MAP3K2: variants seen among roughly 807,000 people sequenced by gnomAD.
MAP3K2 encodes the protein MAP/ERK kinase kinase 2.
In MAP3K2, 24 loss-of-function variants were observed where a neutral mutation model predicts 80.3. The ratio of observed to expected loss-of-function variants is 0.30; its 90% CI spans 0.22 to 0.42. The LOEUF (loss-of-function observed/expected upper bound fraction) is 0.42, where lower values mean the gene tolerates loss of function less well. MAP3K2 is among the 10% of genes least tolerant of loss of function. The pLI is 1.00. For missense variants in MAP3K2, 608 were observed against 750.1 expected, an observed-to-expected ratio of 0.81 and a Z score of 2.21; for synonymous variants, 244 against 253.7, an observed-to-expected ratio of 0.96 and a Z score of 0.36.
chr2:127,371,773 T>C (rs1208413279), intron 1 of MAP3K2, among the ~76,000 whole-genome samples: 1 of 152,170 alleles, frequency 6.6e-6, no homozygotes, highest in African/African-American at 2.4e-5. Flanking sequence ...AATGTCCCAA[T>C]AATAGAGACC....
intron 1 of MAP3K2, among the ~76,000 whole-genome samples, chr2:127,368,764 T>C (rs1687014435): frequency 6.6e-6 from 1 of 152,186 alleles, no homozygotes; most frequent in Non-Finnish European, 1.5e-5. Context: ...TTATAAGTTA[T>C]TTTTTAAATT....
intron 1 of MAP3K2, among the ~76,000 whole-genome samples, chr2:127,370,303 A>C (rs947480233): frequency 1.3e-5 from 2 of 152,002 alleles, no homozygotes; most frequent in African/African-American, 4.8e-5. Context: ...CCACTCTTTC[A>C]CTGGCTTCCT....
rs1376804760 is a variant in MAP3K2, at chr2:127,302,833, G to C, written c.*4746C>G. The C allele has an allele frequency of 6.6e-6, 1 of 152,052 alleles. No individual in the cohort carries two copies. Among genetic ancestry groups the C allele is most frequent in the East Asian group, 1.9e-4 (1 of 5,184 alleles). 9.4% of individuals were successfully genotyped at this position (152,052 alleles called of 1,614,324 possible). A position where few individuals can be genotyped will look rare whatever the true frequency, so the allele number is the denominator to read the frequency against. Reference sequence around the variant, plus strand: ...GAATTCATGTCTAGTGGAAGCTGCAGCATGTCTATCACAGACAAATCCTAA... The same window carrying C: ...GAATTCATGTCTAGTGGAAGCTGCACCATGTCTATCACAGACAAATCCTAA... On this transcript the variant is annotated 3_prime_UTR_variant, in exon 17 of 17. Transcript: ENST00000682094.
intron 1 of MAP3K2, among the ~76,000 whole-genome samples, chr2:127,346,772 G>C (rs139062326): frequency 0.011 from 1,615 of 152,182 alleles, 33 homozygotes; most frequent in African/African-American, 0.036. Flanking sequence ...CGGATCACCT[G>C]AGGTCAGGAG....
intron 2 of MAP3K2, among the ~76,000 whole-genome samples, chr2:127,341,967 G>A (rs1258183204): frequency 6.6e-6 from 1 of 152,138 alleles, no homozygotes; most frequent in Non-Finnish European, 1.5e-5. Flanking sequence ...CATGATATTT[G>A]AAAAATAATT....
chr2:127,331,937 AAC>A (rs775695824), intron 5 of MAP3K2, among the ~76,000 whole-genome samples: 14 of 152,340 alleles, frequency 9.2e-5, no homozygotes, highest in Non-Finnish European at 1.9e-4. Context: ...AAGGCTGCCA[AAC>A]ACGAATATAA....
chr2:127,388,292 C>T, upstream of MAP3K2: 3 of 985,498 alleles, frequency 3.0e-6, no homozygotes, highest in Non-Finnish European at 3.6e-6. Context: ...CCCAGACATC[C>T]GAGTAGATCC....
intron 1 of MAP3K2, among the ~76,000 whole-genome samples, chr2:127,361,312 CA>C (rs1233881088): frequency 0.045 from 2,983 of 66,002 alleles, 34 homozygotes; most frequent in East Asian, 0.16. Flanking sequence ...CACTCTGTCT[CA>C]AAAAAAAAAA....
At chr2:127,333,452 G>GA (rs138608212) in intron 5 of MAP3K2, among the ~76,000 whole-genome samples, 12,199 of 152,118 alleles carry the variant, frequency 0.08, 755 homozygotes, top group African/African-American at 0.17. Context: ...TATTACACTA[G>GA]AAAAATATTT....
intron 1 of MAP3K2, among the ~76,000 whole-genome samples, chr2:127,358,589 G>C (rs1037738057): frequency 6.6e-6 from 1 of 152,168 alleles, no homozygotes; most frequent in Non-Finnish European, 1.5e-5. Flanking sequence ...GAACTATCAA[G>C]TCACAGAAAA....
chr2:127,341,303 GA>G (rs1279003445), intron 2 of MAP3K2, among the ~76,000 whole-genome samples: 2 of 150,988 alleles, frequency 1.3e-5, no homozygotes, highest in Non-Finnish European at 3.0e-5. Flanking sequence ...TATTTATTAA[GA>G]AAAATGAGAA....
rs1686053027 is a variant in MAP3K2 at position 127,322,844 on chromosome 2, C to G, written c.839-592G>C. ...TCCTGACCTCAGGTGATCCACCCGC[C>G]TCGGCCTCCCAAAGTGCTGGGATTA... On this transcript the variant is annotated intron_variant, in intron 11 of 16. Transcript: ENST00000682094. This position sits in a 1 kb window ranked among gnomAD's most constrained non-coding sequence, Gnocchi z 4.2. 6.6e-6 allele frequency among the ~76,000 whole-genome samples: 1 copy of G among 151,888 alleles called. No individual in the cohort carries two copies. Among genetic ancestry groups the G allele is most frequent in the Admixed American group, 6.6e-5 (1 of 15,260 alleles).
intron 1 of MAP3K2, among the ~76,000 whole-genome samples, chr2:127,377,281 G>C (rs1487902588): frequency 1.3e-5 from 2 of 151,748 alleles, no homozygotes; most frequent in Admixed American, 6.6e-5. Context: ...AATAATTCTA[G>C]TTTACTCAAA....
chr2:127,322,385 G>T lies in MAP3K2; in HGVS notation c.839-133C>A. ...TAAGAAACTCAAATAGGAATGATTG[G>T]GTGGGAAAAAATAAACAGGATCTGA... On this transcript the variant is annotated intron_variant, in intron 11 of 16. Transcript: ENST00000682094. The surrounding 1 kb of genome is among the most constrained non-coding windows in gnomAD (Gnocchi z 4.2). 3.4e-6 allele frequency: 2 copies of T among 596,302 alleles called. No homozygotes were observed. The allele number at this position is 596,302 out of a possible 1,614,324, so 36.9% of individuals were successfully genotyped here. A position where few individuals can be genotyped will look rare whatever the true frequency, so the allele number is the denominator to read the frequency against.
In MAP3K2 at chr2:127,310,737, C is replaced by T. The variant is rs1685794163; in HGVS notation, c.1457-1975G>A. Among the ~76,000 whole-genome samples the T allele has an allele frequency of 6.6e-6, 1 of 151,994 alleles. No individual in the cohort carries two copies. Among genetic ancestry groups the T allele is most frequent in the Non-Finnish European group, 1.5e-5 (1 of 68,004 alleles). ...TTTCACTCTTATCATTTTAAAAACT[C>T]TATTTTTTCTGGGATTATAAATCTA... On this transcript the variant is annotated intron_variant, in intron 15 of 16. Coordinates refer to ENST00000682094, the MANE Select transcript of MAP3K2 (RefSeq NM_001371910.2). The surrounding 1 kb of genome is among the most constrained non-coding windows in gnomAD (Gnocchi z 4.8).
intron 1 of MAP3K2, among the ~76,000 whole-genome samples, chr2:127,368,757 T>C (rs1687014287): frequency 6.6e-6 from 1 of 152,184 alleles, no homozygotes; most frequent in South Asian, 2.1e-4. Context: ...ATAGTTGTTA[T>C]AAGTTATTTT....
intron 1 of MAP3K2, among the ~76,000 whole-genome samples, chr2:127,348,919 AG>A (rs1686643591): frequency 6.6e-6 from 1 of 152,102 alleles, no homozygotes; most frequent in Non-Finnish European, 1.5e-5. Context: ...TTTTTCAAAA[AG>A]CCCTAATCCA....
rs1686024704 is a variant in MAP3K2 at position 127,321,755 on chromosome 2, T to C, written c.1045+291A>G. Among the ~76,000 whole-genome samples the C allele has an allele frequency of 6.6e-6, 1 of 152,246 alleles. No individual in the cohort carries two copies. The highest frequency in any genetic ancestry group is 6.5e-5 in the Admixed American group (1 of 15,284). ...TTAGATTATGTCTTGGAGATTATGT[T>C]TGAAATCTCAGTGGTAGGCATTCAA... On this transcript the variant is annotated intron_variant, in intron 12 of 16. Transcript: ENST00000682094. The surrounding 1 kb of genome is among the most constrained non-coding windows in gnomAD (Gnocchi z 4.4).
chr2:127,338,470 C>T (rs990760119), intron 3 of MAP3K2, among the ~76,000 whole-genome samples: 3 of 152,054 alleles, frequency 2.0e-5, no homozygotes, highest in African/African-American at 7.2e-5. Flanking sequence ...TTTTCCTGAT[C>T]CTCTCCCTCC....
Sources: gnomAD v4.1 joint callset for allele counts (sites outside exome capture counted in the v4.1 genomes callset) on GRCh38, gnomAD v4.1.1 for gene constraint, Gnocchi (gnomAD v3.1) non-coding constraint, MANE v1.5 for transcripts, NCBI Gene and HGNC (gene_info 2026-07-23, HGNC 2026-07-21) for gene names.